MCF2L2: variants seen among roughly 807,000 people sequenced by gnomAD.
The protein encoded by MCF2L2 is probable guanine nucleotide exchange factor MCF2L2.
MCF2L2 carries 102 observed loss-of-function variants against 150.2 expected under a neutral mutation model. The ratio of observed to expected loss-of-function variants is 0.68; its 90% CI spans 0.58 to 0.80. MCF2L2 has a LOEUF of 0.80. Ranked by LOEUF, MCF2L2 falls within the 30% of genes least tolerant of loss-of-function variation. MCF2L2 has a pLI of 0.00. For missense variants in MCF2L2, 1,256 were observed against 1,372.8 expected (o/e 0.91, Z 1.34); for synonymous variants, 465 against 491.3 (o/e 0.95, Z 0.71).
At position 183,193,008 on chromosome 3, in the gene MCF2L2, C is replaced by G. The variant is rs1415793485; in HGVS notation, c.3007G>C (p.Gly1003Arg). The G allele has an allele frequency of 6.2e-7, 1 of 1,614,032 alleles. No homozygotes were observed. The highest frequency in any genetic ancestry group is 8.5e-7 in the Non-Finnish European group (1 of 1,179,870). The stretch of plus-strand genomic sequence containing the variant: ...ATGGGACCCTCCCTACCTTTAATCC[C>G]TCCTGTGCTGGAGGCCGGGTCTTCC... Reference protein sequence around the residue: ...SKEDPASSTGGIKGCSSREFS... With the variant: ...SKEDPASSTGRIKGCSSREFS... The change falls in exon 27 of 30, where the codon GGG becomes CGG. Residue 1003 changes from glycine (G) to arginine (R), a missense_variant. Gly to Arg is a moderately radical substitution (Grantham distance 125, BLOSUM62 -2). Transcript: ENST00000328913.
At chr3:183,194,178 G>T (rs1722003511) in intron 26 of MCF2L2, among the ~76,000 whole-genome samples, 1 of 152,136 alleles carries the variant, frequency 6.6e-6, no homozygotes, top group African/African-American at 2.4e-5. Context: ...ATCTTTCTGG[G>T]TTAGGGTCTA....
intron 27 of MCF2L2, among the ~76,000 whole-genome samples, chr3:183,187,718 C>A (rs138402722): frequency 6.6e-6 from 1 of 152,198 alleles, no homozygotes; most frequent in Non-Finnish European, 1.5e-5. Flanking sequence ...CCTCCCGCCT[C>A]GGCCTCCCAA....
At chr3:183,218,887 A>G (rs1447907970) in intron 21 of MCF2L2, among the ~76,000 whole-genome samples, 1 of 152,144 alleles carries the variant, frequency 6.6e-6, no homozygotes, top group African/African-American at 2.4e-5. Context: ...TCCAGGCTGT[A>G]AAAATATGAC....
At chr3:183,417,009 G>C (rs1715625694) in intron 1 of MCF2L2, among the ~76,000 whole-genome samples, 1 of 150,382 alleles carries the variant, frequency 6.6e-6, no homozygotes, top group Non-Finnish European at 1.5e-5. Flanking sequence ...CTACTCAGGA[G>C]GCTGAGGCAG....
chr3:183,281,395 G>T (rs1362898602), intron 14 of MCF2L2, among the ~76,000 whole-genome samples: 1 of 148,956 alleles, frequency 6.7e-6, no homozygotes, highest in Admixed American at 6.7e-5. Context: ...AAACTCACTG[G>T]GTTTTGATAT....
At chr3:183,298,155 A>G (rs1728635270) in intron 11 of MCF2L2, 1 of 152,206 alleles carries the variant, frequency 6.6e-6, no homozygotes, top group Non-Finnish European at 1.5e-5. Flanking sequence ...AGGACATTAG[A>G]TAGGTGATGA....
chr3:183,423,628 ATTTGTTT>A (rs1452290550), intron 1 of MCF2L2, among the ~76,000 whole-genome samples: 4 of 100,670 alleles, frequency 4.0e-5, no homozygotes, highest in African/African-American at 1.5e-4. Flanking sequence ...TTTAAATTTT[ATTTGTTT>A]TTTTTTTTTT....
chr3:183,390,274 CA>C (rs1714066368), intron 1 of MCF2L2, among the ~76,000 whole-genome samples: 2 of 152,144 alleles, frequency 1.3e-5, no homozygotes, highest in Non-Finnish European at 2.9e-5. Flanking sequence ...TACTTATCTC[CA>C]TTCCTTTTTT....
chr3:183,277,695 G>A (rs1289720308), intron 14 of MCF2L2, among the ~76,000 whole-genome samples: 1 of 150,388 alleles, frequency 6.6e-6, no homozygotes, highest in Non-Finnish European at 1.5e-5. Flanking sequence ...TAGAGATGGG[G>A]TTTCACCATG....
At chr3:183,318,265 A>G in intron 6 of MCF2L2, 48 bp from the exon 7 acceptor site, 1 of 1,599,182 alleles carries the variant, frequency 6.3e-7, no homozygotes, top group Non-Finnish European at 8.6e-7. Flanking sequence ...AACATTCACC[A>G]ACATGCTGTC....
chr3:183,300,222 G>T (rs1258160472), intron 10 of MCF2L2, 26 bp from the exon 11 acceptor site: 4 of 1,575,340 alleles, frequency 2.5e-6, no homozygotes, highest in Middle Eastern at 2.1e-4. Context: ...CCACAGCCAG[G>T]CGTCAGAAGT....
chr3:183,396,790 T>C (rs921840907), intron 1 of MCF2L2, among the ~76,000 whole-genome samples: 1 of 152,044 alleles, frequency 6.6e-6, no homozygotes. Context: ...AATAGTATGA[T>C]GAGATGAGAA....
At chr3:183,303,138 A>G (rs7645065) in intron 10 of MCF2L2, among the ~76,000 whole-genome samples, 46,032 of 149,826 alleles carry the variant, frequency 0.31, 8,167 homozygotes, top group East Asian at 0.49. Context: ...AGGTTGCAGT[A>G]AGCTGAGATT....
intron 27 of MCF2L2, among the ~76,000 whole-genome samples, chr3:183,186,953 T>C (rs1403986949): frequency 6.6e-6 from 1 of 152,250 alleles, no homozygotes; most frequent in East Asian, 1.9e-4. Flanking sequence ...TACTTTCCTG[T>C]ATTTTCTAAA....
At chr3:183,359,996 T>A (rs1712029299) in intron 3 of MCF2L2, among the ~76,000 whole-genome samples, 1 of 152,208 alleles carries the variant, frequency 6.6e-6, no homozygotes, top group Non-Finnish European at 1.5e-5. Context: ...AGGCTCCAAT[T>A]GTTCATTCAT....
chr3:183,340,342 A>G (rs1033172978), intron 4 of MCF2L2, among the ~76,000 whole-genome samples: 1 of 152,106 alleles, frequency 6.6e-6, no homozygotes, highest in Non-Finnish European at 1.5e-5. Flanking sequence ...GTCCTGCTTT[A>G]CCACACTACC....
chr3:183,228,344 T>C lies in MCF2L2; in HGVS notation c.2068A>G (p.Lys690Glu). 6.2e-7 allele frequency: 1 copy of C among 1,613,218 alleles called. No homozygotes were observed. The highest frequency in any genetic ancestry group is 8.5e-7 in the Non-Finnish European group (1 of 1,179,366). ...HNRTFLKELE[K>E]CAENPELLAH... ...AGAAGTTCAGGGTTCTCAGCACACT[T>C]TTCCAACTCTTTTAGAAAAGTCCTA... The change falls in exon 18 of 30, where the codon AAG (lysine) becomes GAG (glutamate). Residue 690 changes from lysine to glutamate, a missense_variant. Transcript: ENST00000328913.
At chr3:183,188,118 C>T (rs1471028261) in intron 27 of MCF2L2, among the ~76,000 whole-genome samples, 1 of 152,194 alleles carries the variant, frequency 6.6e-6, no homozygotes, top group Non-Finnish European at 1.5e-5. Flanking sequence ...GTCCAAGAAC[C>T]ATAGCCTGAT....
chr3:183,306,507 T>C (rs373106669), intron 10 of MCF2L2, among the ~76,000 whole-genome samples: 2 of 152,306 alleles, frequency 1.3e-5, no homozygotes, highest in African/African-American at 4.8e-5. Flanking sequence ...TCTGCTGGTA[T>C]AACAGATGAG....
Sources: gnomAD v4.1 joint callset for allele counts (sites outside exome capture counted in the v4.1 genomes callset) on GRCh38, gnomAD v4.1.1 for gene constraint, MANE v1.5 for transcripts, NCBI Gene and HGNC (gene_info 2026-07-23, HGNC 2026-07-21) for gene names.